The following DPP10 variants were observed in gnomAD, a reference collection of about 807,000 sequenced individuals.
The protein encoded by DPP10 is inactive dipeptidyl peptidase 10.
Under a neutral mutation model 120.9 loss-of-function variants are expected in DPP10, and 33 were observed. The ratio of observed to expected loss-of-function variants is 0.27; its 90% CI spans 0.21 to 0.37. The LOEUF (loss-of-function observed/expected upper bound fraction) is 0.37, where lower values mean the gene tolerates loss of function less well. DPP10 is among the 10% of genes least tolerant of loss of function. The pLI is 1.00. For synonymous variants in DPP10, 337 were observed against 326.1 expected (o/e 1.03, Z -0.36); for missense variants, 816 against 942.8 (o/e 0.87, Z 1.76).
intron 1 of DPP10, among the ~76,000 whole-genome samples, chr2:114,775,452 C>A (rs1000356762): frequency 2.6e-5 from 4 of 152,120 alleles, no homozygotes; most frequent in Non-Finnish European, 5.9e-5. Context: ...CAGAAATACA[C>A]TAAAGCCATG....
chr2:114,976,068 T>G (rs945264539), intron 1 of DPP10, among the ~76,000 whole-genome samples: 5 of 152,230 alleles, frequency 3.3e-5, no homozygotes, highest in Non-Finnish European at 7.3e-5. Flanking sequence ...TGAAGTAGAA[T>G]TCTGAACTTT....
intron 1 of DPP10, among the ~76,000 whole-genome samples, chr2:114,806,227 T>G (rs1198993006): frequency 2.6e-5 from 4 of 152,240 alleles, no homozygotes; most frequent in Non-Finnish European, 5.9e-5. Flanking sequence ...TTTTGAATGA[T>G]GTCGACATTA....
rs563953226 is a variant in DPP10, at chr2:115,535,588, T to C, written c.441+9616T>C. On this transcript the variant is annotated intron_variant, in intron 5 of 25. Coordinates refer to ENST00000410059, the MANE Select transcript of DPP10 (RefSeq NM_020868.6). ...TTCTTTTGGCTTAGGATTGACTTGG[T>C]GATGCGGGCTCTTTTTTGGTTCCAT... Among the ~76,000 whole-genome samples the C allele has an allele frequency of 4.0e-3, 605 of 150,370 alleles. 5 individuals are homozygous for C. Among genetic ancestry groups the C allele is most frequent in the African/African-American group, 0.012 (502 of 41,122 alleles).
chr2:115,663,541 A>G (rs999088148), intron 5 of DPP10, among the ~76,000 whole-genome samples: 1 of 152,204 alleles, frequency 6.6e-6, no homozygotes, highest in Non-Finnish European at 1.5e-5. Context: ...ACTGCTTAGC[A>G]AAGGCTCAGT....
chr2:115,571,186 A>C (rs530815318), intron 5 of DPP10, among the ~76,000 whole-genome samples: 1 of 152,192 alleles, frequency 6.6e-6, no homozygotes, highest in Non-Finnish European at 1.5e-5. Context: ...AAAACTATCA[A>C]AGTAGCCAAT....
chr2:115,588,459 C>T (rs2082425624), intron 5 of DPP10, among the ~76,000 whole-genome samples: 1 of 152,112 alleles, frequency 6.6e-6, no homozygotes, highest in Non-Finnish European at 1.5e-5. Flanking sequence ...ATGGAGTTGG[C>T]TTACCCTACC....
chr2:115,717,547 T>G (rs1178011575), intron 7 of DPP10, among the ~76,000 whole-genome samples: 2 of 152,176 alleles, frequency 1.3e-5, no homozygotes, highest in African/African-American at 2.4e-5. Flanking sequence ...TTTTAACCAC[T>G]TCTTAGGTTT....
intron 1 of DPP10, among the ~76,000 whole-genome samples, chr2:114,602,475 A>T (rs190879775): frequency 6.6e-6 from 1 of 152,022 alleles, no homozygotes; most frequent in Non-Finnish European, 1.5e-5. Flanking sequence ...TATTATCATC[A>T]TCATCCCAGC....
Position 115,011,218 on chromosome 2 carries a change from G to A in DPP10, c.61-298021G>A, listed in dbSNP as rs189035696. ...TAGAATATGGTCTATCTTGGTAAAC[G>A]CTTTGGGTGCCCTTAAAAATAGTGT... On this transcript the variant is annotated intron_variant, in intron 1 of 25. Transcript: ENST00000410059. Among the ~76,000 whole-genome samples, 113 of 152,238 alleles carry A rather than the reference G, an allele frequency of 7.4e-4. No individual in the cohort carries two copies. In the Middle Eastern group the frequency reaches 0.024, roughly 32 times the overall value.
intron 1 of DPP10, among the ~76,000 whole-genome samples, chr2:114,701,729 TG>T (rs1380684498): frequency 1.3e-5 from 2 of 151,926 alleles, no homozygotes; most frequent in Non-Finnish European, 2.9e-5. Context: ...TTGATGGGAA[TG>T]GGGGGTGGGC....
intron 1 of DPP10, among the ~76,000 whole-genome samples, chr2:115,231,923 G>C (rs999693122): frequency 2.0e-5 from 3 of 152,194 alleles, no homozygotes; most frequent in African/African-American, 7.2e-5. Context: ...TAGGGCCTGG[G>C]CCTGTGGATT....
At chr2:114,928,790 C>T (rs1270224823) in intron 1 of DPP10, among the ~76,000 whole-genome samples, 1 of 152,132 alleles carries the variant, frequency 6.6e-6, no homozygotes, top group African/African-American at 2.4e-5. Flanking sequence ...AAGCTTTCAC[C>T]ACTCTTGCAT....
chr2:114,631,321 G>A (rs975267975), intron 1 of DPP10, among the ~76,000 whole-genome samples: 12 of 151,990 alleles, frequency 7.9e-5, no homozygotes, highest in Admixed American at 7.9e-4. Context: ...CTAAAAGCAT[G>A]CCTCCTTCCG....
At chr2:114,949,050 G>A (rs533149457) in intron 1 of DPP10, among the ~76,000 whole-genome samples, 3 of 151,682 alleles carry the variant, frequency 2.0e-5, no homozygotes, top group Non-Finnish European at 2.9e-5. Flanking sequence ...TCAGCCTACT[G>A]AGTAGCTGGA....
chr2:115,227,596 G>A (rs2057499408), intron 1 of DPP10, among the ~76,000 whole-genome samples: 1 of 151,996 alleles, frequency 6.6e-6, no homozygotes, highest in South Asian at 2.1e-4. Flanking sequence ...TCACTCTTTG[G>A]TAGGCGCCAA....
rs907919383 is a variant in DPP10, at chr2:114,861,256, G to C, written c.60+418418G>C. 3.3e-5 allele frequency among the ~76,000 whole-genome samples: 5 copies of C among 152,262 alleles called. No homozygotes were observed. In the South Asian group the frequency reaches 1.0e-3, roughly 32 times the overall value. ...CTTCTTAGCACACTGCTCACAAGCA[G>C]GTGGGCACAGAGTCTGCAACAGCAG... On this transcript the variant is annotated intron_variant, in intron 1 of 25. Transcript: ENST00000410059.
chr2:114,987,180 A>G lies in DPP10; in HGVS notation c.61-322059A>G, dbSNP rs544181417. On this transcript the variant is annotated intron_variant, in intron 1 of 25. Transcript: ENST00000410059. ...CTTATATCAGTGATTTTTAAGGCAT[A>G]TAAATTACACATCAGTAAAGTGGCT... Among the ~76,000 whole-genome samples the G allele has an allele frequency of 2.0e-5, 3 of 152,324 alleles. No individual in the cohort carries two copies. The South Asian group carries it at 6.2e-4, about 32-fold the overall frequency.
At chr2:114,896,314 T>G (rs982697484) in intron 1 of DPP10, among the ~76,000 whole-genome samples, 6 of 152,210 alleles carry the variant, frequency 3.9e-5, no homozygotes, top group African/African-American at 7.2e-5. Flanking sequence ...AATCTATAAA[T>G]TACATTGGGA....
intron 5 of DPP10, among the ~76,000 whole-genome samples, chr2:115,654,386 C>G (rs1435163060): frequency 6.6e-6 from 1 of 151,746 alleles, no homozygotes. Flanking sequence ...TATTAAAATA[C>G]TGGAATGTCA....
Sources: allele counts gnomAD v4.1 joint callset (sites outside exome capture counted in the v4.1 genomes callset), GRCh38; gene constraint gnomAD v4.1.1; transcripts MANE v1.5; gene names NCBI Gene and HGNC (gene_info 2026-07-23, HGNC 2026-07-21).